Variants in ST3GAL3 observed in about 807,000 individuals in gnomAD.
The protein encoded by ST3GAL3 is CMP-N-acetylneuraminate-beta-1,4-galactoside alpha-2,3-sialyltransferase.
In ST3GAL3, 21 loss-of-function variants were observed where a neutral mutation model predicts 50.1. The ratio of observed to expected loss-of-function variants is 0.42; its 90% CI spans 0.30 to 0.60. The LOEUF is 0.60. Ranked by LOEUF, ST3GAL3 falls within the 20% of genes least tolerant of loss-of-function variation. The probability of loss-of-function intolerance (pLI) is 0.19; values close to 1 mark genes in which losing one functional copy is unlikely to be tolerated. For synonymous variants in ST3GAL3, 183 were observed against 190.0 expected (o/e 0.96, Z 0.30); for missense variants, 353 against 489.4 (o/e 0.72, Z 2.63).
chr1:43,821,402 C>T (rs183851583), intron 4 of ST3GAL3, among the ~76,000 whole-genome samples: 46 of 152,042 alleles, frequency 3.0e-4, no homozygotes, highest in Non-Finnish European at 5.6e-4. Context: ...GGCGTTTTCC[C>T]GAGAGACCCA....
intron 1 of ST3GAL3, among the ~76,000 whole-genome samples, chr1:43,727,706 T>C (rs1307033434): frequency 6.6e-6 from 1 of 152,170 alleles, no homozygotes; most frequent in Non-Finnish European, 1.5e-5. Context: ...AACATAACTT[T>C]GAAAAATCAT....
At chr1:43,864,869 AAG>A (rs1383569953) in intron 5 of ST3GAL3, among the ~76,000 whole-genome samples, 1 of 152,160 alleles carries the variant, frequency 6.6e-6, no homozygotes, top group African/African-American at 2.4e-5. Context: ...ACACAGGGAG[AAG>A]AGCACGCTTA....
chr1:43,810,912 C>T (rs1006892601), intron 3 of ST3GAL3, among the ~76,000 whole-genome samples: 7 of 150,076 alleles, frequency 4.7e-5, no homozygotes, highest in Admixed American at 1.3e-4. Context: ...CAGTCACTTT[C>T]GGTCACCCCT....
intron 2 of ST3GAL3, among the ~76,000 whole-genome samples, chr1:43,790,717 C>T (rs945666376): frequency 2.4e-4 from 37 of 151,576 alleles, no homozygotes; most frequent in Non-Finnish European, 5.0e-4. Context: ...CTGCAACCTC[C>T]GCCTCCCAGG....
intron 11 of ST3GAL3, 136 bp from the exon 12 acceptor site, chr1:43,929,996 T>C: frequency 1.3e-6 from 1 of 788,740 alleles, no homozygotes; most frequent in Non-Finnish European, 2.3e-6. Context: ...TAGACACAAC[T>C]GATTACCAGT....
Position 43,817,447 on chromosome 1 carries a change from T to C in ST3GAL3, c.209+2514T>C, listed in dbSNP as rs542821562. Among the ~76,000 whole-genome samples, 30 of 146,492 alleles carry C rather than the reference T, an allele frequency of 2.0e-4. No homozygotes were observed. The South Asian group carries it at 6.9e-3, about 34-fold the overall frequency. ...CCTTCTTCTCCTTCTTCCTTCTCCT[T>C]CTTCTTTCTTCTTTCTTCTTCTCCT... On this transcript the variant is annotated intron_variant, in intron 4 of 11. Transcript: ENST00000347631.
chr1:43,825,393 A>T (rs2062653776), intron 4 of ST3GAL3, among the ~76,000 whole-genome samples: 1 of 152,116 alleles, frequency 6.6e-6, no homozygotes, highest in Non-Finnish European at 1.5e-5. Flanking sequence ...ATTTTATATT[A>T]GTTTTTGGTT....
In ST3GAL3 at chr1:43,848,004, C is replaced by T. The variant is rs150254347; in HGVS notation, c.302+9693C>T. ...GCGAAGTCTTTCAGTGTTGGATTGT[C>T]TGAACAAGTCTTTATTTTACCTTCA... On this transcript the variant is annotated intron_variant, in intron 5 of 11. Coordinates refer to ENST00000347631, the MANE Select transcript of ST3GAL3 (RefSeq NM_006279.5). Among the ~76,000 whole-genome samples the T allele has an allele frequency of 3.3e-5, 5 of 152,220 alleles. No individual in the cohort carries two copies. The East Asian group carries it at 9.6e-4, about 29-fold the overall frequency.
At chr1:43,869,296 C>T (rs930703950) in intron 5 of ST3GAL3, among the ~76,000 whole-genome samples, 1 of 152,154 alleles carries the variant, frequency 6.6e-6, no homozygotes, top group Admixed American at 6.5e-5. Context: ...GCCAGAGCCA[C>T]GTAGGACGAG....
At chr1:43,713,093 G>A (rs368543163) in intron 1 of ST3GAL3, among the ~76,000 whole-genome samples, 4 of 152,316 alleles carry the variant, frequency 2.6e-5, no homozygotes, top group East Asian at 1.9e-4. Flanking sequence ...CTACACAAGA[G>A]TCATAAAATA....
intron 4 of ST3GAL3, among the ~76,000 whole-genome samples, chr1:43,830,805 T>G (rs1316013591): frequency 6.6e-6 from 1 of 152,170 alleles, no homozygotes. Context: ...CCCTGCCCAA[T>G]AGGCATACAT....
At chr1:43,776,772 A>G (rs1697399242) in intron 2 of ST3GAL3, among the ~76,000 whole-genome samples, 1 of 152,180 alleles carries the variant, frequency 6.6e-6, no homozygotes, top group South Asian at 2.1e-4. Context: ...AACCCATTAC[A>G]ACTTCACATT....
chr1:43,918,164 T>G (rs1202481469), intron 9 of ST3GAL3, among the ~76,000 whole-genome samples: 1 of 135,370 alleles, frequency 7.4e-6, no homozygotes, highest in Admixed American at 8.7e-5. Context: ...TCACCCAGGC[T>G]GGAGTGTGCA....
intron 5 of ST3GAL3, among the ~76,000 whole-genome samples, chr1:43,843,286 A>T (rs1432030301): frequency 1.3e-5 from 2 of 152,220 alleles, no homozygotes; most frequent in Non-Finnish European, 2.9e-5. Context: ...TTTATCATGA[A>T]TAGATGTTGA....
intron 11 of ST3GAL3, among the ~76,000 whole-genome samples, chr1:43,921,179 A>G (rs1007707947): frequency 6.6e-6 from 1 of 152,094 alleles, no homozygotes; most frequent in African/African-American, 2.4e-5. Flanking sequence ...TTCCCCAGTC[A>G]GGAACACTAG....
chr1:43,710,009 TTTC>T (rs1663811342), intron 1 of ST3GAL3, among the ~76,000 whole-genome samples: 1 of 151,970 alleles, frequency 6.6e-6, no homozygotes, highest in Non-Finnish European at 1.5e-5. Context: ...TATTCTTACT[TTTC>T]TTCTTTTTTT....
intron 9 of ST3GAL3, among the ~76,000 whole-genome samples, chr1:43,904,708 C>T (rs1213653997): frequency 8.1e-6 from 1 of 124,154 alleles, no homozygotes; most frequent in East Asian, 2.5e-4. Flanking sequence ...CTCCCGCTCC[C>T]TGTCACTCTT....
At chr1:43,921,632 T>C (rs376742060) in intron 11 of ST3GAL3, 8 of 398,792 alleles carry the variant, frequency 2.0e-5, no homozygotes, top group African/African-American at 1.4e-4. Flanking sequence ...TGCAGATTCC[T>C]GTTTCTGTAA....
chr1:43,824,046 A>G (rs1164656530), intron 4 of ST3GAL3, among the ~76,000 whole-genome samples: 1 of 152,268 alleles, frequency 6.6e-6, no homozygotes, highest in Non-Finnish European at 1.5e-5. Flanking sequence ...TGTTCTGCTC[A>G]CAGATATATT....
Sources: allele counts gnomAD v4.1 joint callset (sites outside exome capture counted in the v4.1 genomes callset), GRCh38; gene constraint gnomAD v4.1.1; transcripts MANE v1.5; gene names NCBI Gene and HGNC (gene_info 2026-07-23, HGNC 2026-07-21).